ADAMTS19: variants seen among roughly 807,000 people sequenced by gnomAD.
ADAMTS19 encodes the protein A disintegrin and metalloproteinase with thrombospondin motifs 19.
A neutral mutation model predicts 153.3 loss-of-function variants in ADAMTS19; 93 were observed. The ratio of observed to expected loss-of-function variants is 0.61; its 90% CI spans 0.51 to 0.72. ADAMTS19 has a LOEUF of 0.72. Ranked by LOEUF, ADAMTS19 falls within the 30% of genes least tolerant of loss-of-function variation. ADAMTS19 has a pLI of 0.00. For synonymous variants in ADAMTS19, 600 were observed against 556.6 expected (o/e 1.08, Z -1.10); for missense variants, 1,482 against 1,552.1 (o/e 0.95, Z 0.76).
chr5:129,622,429 G>T (rs898086901), intron 10 of ADAMTS19, 81 bp downstream of exon 10: 1 of 1,504,282 alleles, frequency 6.6e-7, no homozygotes, highest in Non-Finnish European at 9.0e-7. Context: ...CATTATTTTA[G>T]GGTTTGTGGA....
rs116077902 is a variant in ADAMTS19, at chr5:129,703,663, T to C, written c.3160-576T>C. 9.3e-3 allele frequency among the ~76,000 whole-genome samples: 1,422 copies of C among 152,094 alleles called. 25 individuals carry two copies. Among genetic ancestry groups the C allele is most frequent in the African/African-American group, 0.033 (1,351 of 41,476 alleles). ...GAGAGGATCACTGGAGCCCAGGAAA[T>C]GGAGGTTACAGTGAGCCAAGATCAC... On this transcript the variant is annotated intron_variant, in intron 20 of 22. Coordinates refer to ENST00000274487, the MANE Select transcript of ADAMTS19 (RefSeq NM_133638.6).
intron 7 of ADAMTS19, among the ~76,000 whole-genome samples, chr5:129,558,200 C>A (rs1366844120): frequency 6.6e-6 from 1 of 151,962 alleles, no homozygotes; most frequent in Non-Finnish European, 1.5e-5. Flanking sequence ...ATTCTGCTAC[C>A]ACCACTTCTA....
In ADAMTS19 at chr5:129,658,742, T is replaced by G; in HGVS notation, c.2425+5T>G. 1 of 1,597,452 alleles carries G rather than the reference T, an allele frequency of 6.3e-7. No homozygotes were observed. Among genetic ancestry groups the G allele is most frequent in the African/African-American group, 1.3e-5 (1 of 74,082 alleles). On this transcript the variant is annotated splice_donor_5th_base_variant and intron_variant, in intron 15 of 22. Transcript: ENST00000274487. ...TTAATCACACCAGAGGAGCAGGTAA[T>G]TTTTCTTTATTTTTTCATAAATATT...
intron 21 of ADAMTS19, among the ~76,000 whole-genome samples, chr5:129,708,398 A>G (rs1354927710): frequency 1.3e-5 from 2 of 152,144 alleles, no homozygotes; most frequent in East Asian, 3.9e-4. Flanking sequence ...AACATTACAC[A>G]CATTTCCTGC....
At chr5:129,684,571 C>T (rs1754988394) in intron 18 of ADAMTS19, among the ~76,000 whole-genome samples, 1 of 149,158 alleles carries the variant, frequency 6.7e-6, no homozygotes, top group Non-Finnish European at 1.5e-5. Context: ...TTACAGGGGC[C>T]TCCCCAGACA....
At position 129,685,944 on chromosome 5, in the gene ADAMTS19, T is replaced by C. The variant is rs538154462; in HGVS notation, c.2818+1671T>C. On this transcript the variant is annotated intron_variant, in intron 18 of 22. Coordinates refer to ENST00000274487, the MANE Select transcript of ADAMTS19 (RefSeq NM_133638.6). ...GGAGAAAAGATAGGTGTTCGGAAGT[T>C]ACAGTTGAAACTATTTTGTCAATAA... Among the ~76,000 whole-genome samples, 5 of 152,294 alleles carry C rather than the reference T, an allele frequency of 3.3e-5. No individual in the cohort carries two copies. In the East Asian group the frequency reaches 7.7e-4, roughly 23 times the overall value.
rs149401950 is a variant in ADAMTS19, at chr5:129,723,790, G to A, written c.3313-11142G>A. On this transcript the variant is annotated intron_variant, in intron 21 of 22. Transcript: ENST00000274487. ...CACAGCCCTGGGAAATTCTGAGAAC[G>A]TGTACCCATGGTAATCAGGCTACAG... Among the ~76,000 whole-genome samples the A allele has an allele frequency of 5.1e-3, 783 of 152,278 alleles. 6 individuals are homozygous for A. The highest frequency in any genetic ancestry group is 7.6e-3 in the Non-Finnish European group (520 of 68,028).
At chr5:129,691,029 C>A (rs537084149) in intron 18 of ADAMTS19, among the ~76,000 whole-genome samples, 1 of 152,116 alleles carries the variant, frequency 6.6e-6, no homozygotes, top group Admixed American at 6.6e-5. Context: ...ATGTGAGGTA[C>A]CTCAATAGAA....
intron 8 of ADAMTS19, among the ~76,000 whole-genome samples, chr5:129,610,113 A>G (rs1331705430): frequency 7.2e-6 from 1 of 138,486 alleles, no homozygotes; most frequent in Non-Finnish European, 1.6e-5. Flanking sequence ...ATATATATAT[A>G]TTATTTAAAA....
At chr5:129,737,041 T>G (rs767842639) in intron 22 of ADAMTS19, 26 bp from the exon 23 acceptor site, 11 of 1,554,354 alleles carry the variant, frequency 7.1e-6, no homozygotes, top group Non-Finnish European at 8.8e-6. Context: ...CTGCATGGAG[T>G]GAATTCACTA....
intron 19 of ADAMTS19, among the ~76,000 whole-genome samples, chr5:129,698,004 GCAGAGTGTACAATACAA>G (rs1405007482): frequency 6.6e-6 from 1 of 152,090 alleles, no homozygotes; most frequent in African/African-American, 2.4e-5. Context: ...CTGTGAAGGA[GCAGAGTGTACAATACAA>G]CACACTATTT....
At chr5:129,724,861 T>C (rs943739125) in intron 21 of ADAMTS19, among the ~76,000 whole-genome samples, 6 of 152,140 alleles carry the variant, frequency 3.9e-5, no homozygotes, top group African/African-American at 1.4e-4. Context: ...ATTATGCAGA[T>C]GGGTTCTCCA....
chr5:129,720,481 ACTT>A (rs1324374231), intron 21 of ADAMTS19, among the ~76,000 whole-genome samples: 1 of 152,160 alleles, frequency 6.6e-6, no homozygotes, highest in Non-Finnish European at 1.5e-5. Flanking sequence ...ATATTTTTAT[ACTT>A]CTTCATTCAC....
chr5:129,665,682 T>C, intron 16 of ADAMTS19, 103 bp downstream of exon 16: 1 of 909,616 alleles, frequency 1.1e-6, no homozygotes, highest in East Asian at 3.0e-5. Flanking sequence ...TAGTTTTATG[T>C]TTGAACTTCC....
chr5:129,671,192 A>G (rs941510921), intron 16 of ADAMTS19, among the ~76,000 whole-genome samples: 1 of 152,218 alleles, frequency 6.6e-6, no homozygotes, highest in African/African-American at 2.4e-5. Flanking sequence ...GACCGGCTGC[A>G]TAAACCTAAC....
chr5:129,607,893 A>T (rs1290546903), intron 8 of ADAMTS19, among the ~76,000 whole-genome samples: 3 of 151,356 alleles, frequency 2.0e-5, no homozygotes, highest in African/African-American at 7.3e-5. Context: ...CTGTTAACAG[A>T]TGAATGTATA....
intron 17 of ADAMTS19, 101 bp downstream of exon 17, chr5:129,680,022 A>T (rs1442320610): frequency 8.1e-7 from 1 of 1,241,502 alleles, no homozygotes; most frequent in Non-Finnish European, 1.1e-6. Context: ...GAATTGTCAC[A>T]CAGACATTTA....
intron 7 of ADAMTS19, among the ~76,000 whole-genome samples, chr5:129,574,306 C>G (rs1386393535): frequency 3.3e-5 from 5 of 151,814 alleles, no homozygotes; most frequent in African/African-American, 1.2e-4. Flanking sequence ...TTTATTTCTT[C>G]TAAAAATAAA....
intron 6 of ADAMTS19, among the ~76,000 whole-genome samples, chr5:129,546,921 A>G (rs948715196): frequency 1.3e-5 from 2 of 151,120 alleles, no homozygotes; most frequent in South Asian, 2.1e-4. Flanking sequence ...CACATGAAAA[A>G]TTGAAGGGAG....
Sources: allele counts gnomAD v4.1 joint callset (sites outside exome capture counted in the v4.1 genomes callset), GRCh38; gene constraint gnomAD v4.1.1; transcripts MANE v1.5; gene names NCBI Gene and HGNC (gene_info 2026-07-23, HGNC 2026-07-21).